VPS4B: variants seen among roughly 807,000 people sequenced by gnomAD.
VPS4B encodes vacuolar protein sorting 4 homolog B.
Under a neutral mutation model 56.1 loss-of-function variants are expected in VPS4B, and 23 were observed. That is an observed-to-expected ratio of 0.41 (90% CI 0.30 to 0.58). The LOEUF is 0.58. Among genes scored for constraint, VPS4B ranks in the 20% least tolerant of loss-of-function variants. The pLI is 0.29. For missense variants in VPS4B, 372 were observed against 531.9 expected (o/e 0.70, Z 2.96); for synonymous variants, 177 against 186.0 (o/e 0.95, Z 0.39).
intron 5 of VPS4B, 109 bp from the exon 6 acceptor site, chr18:63,400,812 A>C: frequency 9.3e-7 from 1 of 1,072,912 alleles, no homozygotes; most frequent in South Asian, 1.6e-5. Flanking sequence ...TAAGGATCAA[A>C]ACAATATTTT....
chr18:63,392,536 C>A (rs1475236253), intron 10 of VPS4B, among the ~76,000 whole-genome samples: 3 of 151,386 alleles, frequency 2.0e-5, no homozygotes, highest in African/African-American at 7.3e-5. Context: ...GCAACCTCCG[C>A]CTCCTGGGTT....
At position 63,422,400 on chromosome 18, in the gene VPS4B, G is replaced by C; in HGVS notation, c.-141C>G. On this transcript the variant is annotated 5_prime_UTR_variant, in exon 1 of 11. Coordinates refer to ENST00000238497, the MANE Select transcript of VPS4B (RefSeq NM_004869.4). ...ACCGCGAAGGGCAGCCTCCCTTCCG[G>C]AACTTGTTTTAGACAACACTCTCTC... 1.3e-6 allele frequency: 1 copy of C among 741,828 alleles called. No individual in the cohort carries two copies. Among genetic ancestry groups the C allele is most frequent in the Non-Finnish European group, 2.0e-6 (1 of 506,798 alleles). The allele number at this position is 741,828 out of a possible 1,614,324, so 46.0% of individuals were successfully genotyped here. A position where few individuals can be genotyped will look rare whatever the true frequency, so the allele number is the denominator to read the frequency against.
chr18:63,404,462 T>C (rs569734023), intron 4 of VPS4B: 10 of 152,202 alleles, frequency 6.6e-5, no homozygotes, highest in Admixed American at 1.3e-4. Context: ...ATTTGGCTGC[T>C]AAATAGATCT....
chr18:63,393,384 C>G (rs1456664351), intron 10 of VPS4B, 25 bp downstream of exon 10: 2 of 1,562,034 alleles, frequency 1.3e-6, no homozygotes, highest in African/African-American at 2.8e-5. Flanking sequence ...AAAATATTTT[C>G]TTAAAAACAA....
intron 3 of VPS4B, 50 bp from the exon 4 acceptor site, chr18:63,407,549 TA>T: frequency 6.9e-7 from 1 of 1,439,298 alleles, no homozygotes; most frequent in Non-Finnish European, 9.4e-7. Flanking sequence ...TGCTATCAAA[TA>T]AGGCAAAAAT....
chr18:63,417,633 G>A (rs1490598511), intron 1 of VPS4B, among the ~76,000 whole-genome samples: 1 of 151,986 alleles, frequency 6.6e-6, no homozygotes, highest in African/African-American at 2.4e-5. Context: ...ATCTTTGTGT[G>A]TGCATGTGTG....
At chr18:63,392,530 C>T (rs1419304211) in intron 10 of VPS4B, among the ~76,000 whole-genome samples, 1 of 151,644 alleles carries the variant, frequency 6.6e-6, no homozygotes, top group Admixed American at 6.6e-5. Context: ...CTCACTGCAA[C>T]CTCCGCCTCC....
intron 8 of VPS4B, among the ~76,000 whole-genome samples, chr18:63,398,844 A>AG (rs1915745521): frequency 6.6e-6 from 1 of 152,032 alleles, no homozygotes; most frequent in African/African-American, 2.4e-5. Context: ...AAAAAAAAAA[A>AG]AAAAATCTTA....
At chr18:63,405,972 C>A (rs575897574) in intron 4 of VPS4B, among the ~76,000 whole-genome samples, 1 of 151,386 alleles carries the variant, frequency 6.6e-6, no homozygotes, top group Non-Finnish European at 1.5e-5. Context: ...GGCAACACAG[C>A]GACACCCTTG....
At chr18:63,394,970 G>A (rs1020294271) in intron 9 of VPS4B, among the ~76,000 whole-genome samples, 1 of 152,144 alleles carries the variant, frequency 6.6e-6, no homozygotes, top group Admixed American at 6.6e-5. Flanking sequence ...TCCCAGATTA[G>A]TATTTTAGAA....
At chr18:63,397,973 T>C (rs1452610205) in intron 8 of VPS4B, among the ~76,000 whole-genome samples, 1 of 152,138 alleles carries the variant, frequency 6.6e-6, no homozygotes. Flanking sequence ...TAAGCTAGAA[T>C]GCTGGCGCAA....
intron 9 of VPS4B, 35 bp downstream of exon 9, chr18:63,396,999 A>G: frequency 6.3e-7 from 1 of 1,597,438 alleles, no homozygotes; most frequent in African/African-American, 1.4e-5. Flanking sequence ...AAAAAAAAAA[A>G]AAAAGATAGG....
intron 1 of VPS4B, chr18:63,415,773 C>T (rs996824874): frequency 8.4e-5 from 19 of 226,608 alleles, no homozygotes; most frequent in African/African-American, 4.4e-4. Flanking sequence ...CAAACAGCTC[C>T]CTCACCATTC....
At chr18:63,402,020 CAAA>C (rs1245125244) in intron 5 of VPS4B, among the ~76,000 whole-genome samples, 1 of 151,498 alleles carries the variant, frequency 6.6e-6, no homozygotes, top group Non-Finnish European at 1.5e-5. Context: ...CAAAACAAAA[CAAA>C]AAAAACTGCT....
At position 63,421,285 on chromosome 18, in the gene VPS4B, T is replaced by C. The variant is rs555783675; in HGVS notation, c.27+948A>G. Among the ~76,000 whole-genome samples, 19 of 152,278 alleles carry C rather than the reference T, an allele frequency of 1.2e-4. No individual in the cohort carries two copies. In the South Asian group the frequency reaches 3.9e-3, roughly 32 times the overall value. On this transcript the variant is annotated intron_variant, in intron 1 of 10. Transcript: ENST00000238497. ...TCTGTTTAAGTGGGTCTACTTTGAG[T>C]GGTCTTTCTTCAGAATCAATTATCA... is the stretch of plus-strand genomic sequence containing the variant.
chr18:63,422,357 G>T lies in VPS4B; in HGVS notation c.-98C>A. 1.6e-6 allele frequency: 2 copies of T among 1,226,652 alleles called. No individual in the cohort carries two copies. Among genetic ancestry groups the T allele is most frequent in the African/African-American group, 1.6e-5 (1 of 63,390 alleles). The allele number at this position is 1,226,652 out of a possible 1,614,324, so 76.0% of individuals were successfully genotyped here. ...ACGGGGTAACAGCCCTCAAACTGGGGAGGCCGGTGGTTCTCGGACCGCGAA... is the reference window on the plus strand; with the variant it reads ...ACGGGGTAACAGCCCTCAAACTGGGTAGGCCGGTGGTTCTCGGACCGCGAA... On this transcript the variant is annotated 5_prime_UTR_variant, in exon 1 of 11. Coordinates refer to ENST00000238497, the MANE Select transcript of VPS4B (RefSeq NM_004869.4).
Position 63,422,385 on chromosome 18 carries a change from GC to G in VPS4B, c.-127del. The G allele has an allele frequency of 1.2e-6, 1 of 865,916 alleles. No homozygotes were observed. Among genetic ancestry groups the G allele is most frequent in the Non-Finnish European group, 1.6e-6 (1 of 616,342 alleles). 53.6% of individuals were successfully genotyped at this position (865,916 alleles called of 1,614,324 possible). A position where few individuals can be genotyped will look rare whatever the true frequency, so the allele number is the denominator to read the frequency against. On this transcript the variant is annotated 5_prime_UTR_variant, in exon 1 of 11. Coordinates refer to ENST00000238497, the MANE Select transcript of VPS4B (RefSeq NM_004869.4). ...GCCGGTGGTTCTCGGACCGCGAAGGGCAGCCTCCCTTCCGGAACTTGTTTTA... is the reference window on the plus strand; with the variant it reads ...GCCGGTGGTTCTCGGACCGCGAAGGGAGCCTCCCTTCCGGAACTTGTTTTA...
At chr18:63,406,687 C>T (rs1021461746) in intron 4 of VPS4B, among the ~76,000 whole-genome samples, 5 of 152,310 alleles carry the variant, frequency 3.3e-5, no homozygotes, top group Admixed American at 2.0e-4. Context: ...CCCTAGACTT[C>T]GTCAGATATA....
intron 5 of VPS4B, among the ~76,000 whole-genome samples, chr18:63,402,721 GC>G (rs1915837297): frequency 6.6e-6 from 1 of 152,138 alleles, no homozygotes; most frequent in Non-Finnish European, 1.5e-5. Flanking sequence ...ATATTTTTGT[GC>G]TTTTATAGGA....
Sources: allele counts gnomAD v4.1 joint callset (sites outside exome capture counted in the v4.1 genomes callset), GRCh38; gene constraint gnomAD v4.1.1; transcripts MANE v1.5; gene names NCBI Gene and HGNC (gene_info 2026-07-23, HGNC 2026-07-21).